RYR2: variants seen among roughly 807,000 people sequenced by gnomAD.
The protein encoded by RYR2 is ryanodine receptor 2.
A neutral mutation model predicts 601.1 loss-of-function variants in RYR2; 227 were observed. That is an observed-to-expected ratio of 0.38 (90% confidence interval 0.34 to 0.42). RYR2 has a LOEUF of 0.42. Among genes scored for constraint, RYR2 ranks in the 10% least tolerant of loss-of-function variants. RYR2 has a pLI of 1.00. For synonymous variants in RYR2, 2,223 were observed against 2,175.1 expected, an observed-to-expected ratio of 1.02 and a Z score of -0.61; for missense variants, 4,646 against 6,156.5, an observed-to-expected ratio of 0.75 and a Z score of 8.21.
intron 1 of RYR2, among the ~76,000 whole-genome samples, chr1:237,063,014 A>G (rs1295422993): frequency 2.0e-5 from 3 of 150,890 alleles, no homozygotes; most frequent in Non-Finnish European, 4.4e-5. Flanking sequence ...CAAAATTCTT[A>G]TGTTGAAATC....
chr1:237,644,200 C>A (rs941156726), intron 48 of RYR2, among the ~76,000 whole-genome samples: 1 of 151,940 alleles, frequency 6.6e-6, no homozygotes, highest in African/African-American at 2.4e-5. Context: ...TTTAAAATCC[C>A]CTCTCTGTTA....
chr1:237,811,791 A>G (rs1312413167), intron 100 of RYR2, among the ~76,000 whole-genome samples: 1 of 152,188 alleles, frequency 6.6e-6, no homozygotes, highest in Non-Finnish European at 1.5e-5. Context: ...GTAATTTTCA[A>G]CATTTCCTGT....
Position 237,742,330 on chromosome 1 carries a change from A to T in RYR2, c.11126A>T (p.Glu3709Val), listed in dbSNP as rs200013680. The stretch of plus-strand genomic sequence containing the variant: ...GATGAGGAAGATGACGATGGTGAAG[A>T]GGAAGTGAAGAGTTTTGAAGTAAGA... ...CHDEEDDDGE[E>V]EVKSFEEKEM... The change falls in exon 80 of 105, where the codon GAG becomes GTG. Residue 3709 changes from glutamate to valine, a missense_variant. Glu to Val is a moderately radical substitution (Grantham distance 121). Transcript: ENST00000366574. The T allele has an allele frequency of 6.4e-7, 1 of 1,567,752 alleles. No homozygotes were observed. The highest frequency in any genetic ancestry group is 8.7e-7 in the Non-Finnish European group (1 of 1,153,246).
chr1:237,047,736 G>A (rs1338861246), intron 1 of RYR2, among the ~76,000 whole-genome samples: 4 of 152,054 alleles, frequency 2.6e-5, no homozygotes, highest in South Asian at 4.1e-4. Context: ...GGTACCTTCT[G>A]GGTAATTTTT....
intron 1 of RYR2, among the ~76,000 whole-genome samples, chr1:237,089,627 A>G (rs1666740567): frequency 1.3e-5 from 2 of 152,244 alleles, no homozygotes; most frequent in Non-Finnish European, 1.5e-5. Context: ...CTTTTAGCCA[A>G]TAGAATTGTA....
chr1:237,639,264 T>A, intron 46 of RYR2, 63 bp downstream of exon 46: 1 of 1,393,772 alleles, frequency 7.2e-7, no homozygotes, highest in Non-Finnish European at 9.7e-7. Context: ...TTTTATAAAA[T>A]ATATTCTGCA....
intron 29 of RYR2, among the ~76,000 whole-genome samples, chr1:237,578,862 A>G (rs1673569281): frequency 1.3e-5 from 2 of 152,174 alleles, no homozygotes; most frequent in South Asian, 4.1e-4. Flanking sequence ...CTCTGGGAAC[A>G]GAAGAGTCCT....
chr1:237,820,366 C>T (rs532648012), intron 101 of RYR2, among the ~76,000 whole-genome samples: 1 of 152,158 alleles, frequency 6.6e-6, no homozygotes, highest in Admixed American at 6.5e-5. Flanking sequence ...GTGCAGCCCA[C>T]AGAGGGTGAG....
chr1:237,674,683 A>T, intron 59 of RYR2, 48 bp from the exon 60 acceptor site: 4 of 988,640 alleles, frequency 4.0e-6, no homozygotes. Context: ...TTACCTTCTA[A>T]GAGGCTTTGT....
intron 42 of RYR2, 140 bp from the exon 43 acceptor site, chr1:237,633,438 A>G (rs1200694282): frequency 2.0e-6 from 2 of 978,968 alleles, no homozygotes; most frequent in Non-Finnish European, 3.1e-6. Flanking sequence ...TAGTCTGCAC[A>G]TTTGAAGATC....
chr1:237,089,051 T>C (rs1245512648), intron 1 of RYR2, among the ~76,000 whole-genome samples: 1 of 152,186 alleles, frequency 6.6e-6, no homozygotes, highest in East Asian at 1.9e-4. Flanking sequence ...AGCTCCAAAT[T>C]CATGGAAAGG....
intron 19 of RYR2, among the ~76,000 whole-genome samples, chr1:237,494,433 T>C (rs1278467563): frequency 6.6e-6 from 1 of 152,190 alleles, no homozygotes; most frequent in Non-Finnish European, 1.5e-5. Flanking sequence ...CGTCCCTCTG[T>C]CTGCTTTTAT....
rs1242359358 is a variant in RYR2, at chr1:237,534,563, A to C, written c.2906+4053A>C. The stretch of plus-strand genomic sequence containing the variant: ...ATATCGTAAAGATCATATCCACTGG[A>C]TCACAAAGAATAACAGCAAAAATAA... On this transcript the variant is annotated intron_variant, in intron 25 of 104. Transcript: ENST00000366574. Among the ~76,000 whole-genome samples, 5 of 152,044 alleles carry C rather than the reference A, an allele frequency of 3.3e-5. No individual in the cohort carries two copies. In the East Asian group the frequency reaches 9.6e-4, roughly 29 times the overall value.
intron 80 of RYR2, among the ~76,000 whole-genome samples, chr1:237,751,438 T>G (rs904882992): frequency 4.6e-5 from 7 of 152,226 alleles, no homozygotes; most frequent in African/African-American, 1.7e-4. Context: ...TAATTAAGCT[T>G]TCAGTGGTAT....
intron 1 of RYR2, among the ~76,000 whole-genome samples, chr1:237,092,489 GTATAC>G (rs1284074034): frequency 2.0e-5 from 3 of 150,950 alleles, no homozygotes; most frequent in African/African-American, 7.3e-5. Context: ...TATATATGTG[GTATAC>G]TATACAGATC....
intron 76 of RYR2, among the ~76,000 whole-genome samples, chr1:237,729,879 A>G (rs1426526658): frequency 6.6e-6 from 1 of 152,174 alleles, no homozygotes; most frequent in Non-Finnish European, 1.5e-5. Context: ...TTATCGAGAG[A>G]CATGTTATAT....
chr1:237,286,907 T>G (rs1691637192), intron 2 of RYR2, among the ~76,000 whole-genome samples: 1 of 152,142 alleles, frequency 6.6e-6, no homozygotes, highest in African/African-American at 2.4e-5. Flanking sequence ...TATTTTTGTT[T>G]TATAGGTCCT....
Position 237,462,630 on chromosome 1 carries a change from G to A in RYR2, c.1612+5895G>A, listed in dbSNP as rs536159400. On this transcript the variant is annotated intron_variant, in intron 16 of 104. Transcript: ENST00000366574. Reference sequence around the variant, plus strand: ...GATAGATTGCTGCTCTTTGAGTATGGCCAAAATGAATGTTTGAAGACTTGG... The same window carrying A: ...GATAGATTGCTGCTCTTTGAGTATGACCAAAATGAATGTTTGAAGACTTGG... Among the ~76,000 whole-genome samples, 16 of 152,238 alleles carry A rather than the reference G, an allele frequency of 1.1e-4. 1 individual carries two copies. The highest frequency in any genetic ancestry group is 1.0e-3 in the South Asian group (5 of 4,818).
intron 2 of RYR2, among the ~76,000 whole-genome samples, chr1:237,324,624 T>C (rs1014464455): frequency 6.6e-5 from 10 of 152,192 alleles, no homozygotes; most frequent in Non-Finnish European, 1.3e-4. Flanking sequence ...TTATCATGCA[T>C]TGATTTTCTT....
Sources: allele counts gnomAD v4.1 joint callset (sites outside exome capture counted in the v4.1 genomes callset), GRCh38; gene constraint gnomAD v4.1.1; transcripts MANE v1.5; gene names NCBI Gene and HGNC (gene_info 2026-07-23, HGNC 2026-07-21).